The following CLUL1 variants were observed in gnomAD, a reference collection of about 807,000 sequenced individuals.
CLUL1 encodes clusterin like 1.
CLUL1 carries 43 observed loss-of-function variants against 49.4 expected under a neutral mutation model. That is an observed-to-expected ratio of 0.87 (90% CI 0.68 to 1.12). The LOEUF is 1.12. CLUL1 is among the 50% of genes most tolerant of loss of function. The pLI is 0.00. For missense variants in CLUL1, 486 were observed against 544.4 expected (o/e 0.89, Z 1.07); for synonymous variants, 192 against 184.9 (o/e 1.04, Z -0.31).
chr18:597,935 A>G (rs1175529138), intron 1 of CLUL1: 2 of 152,186 alleles, frequency 1.3e-5, no homozygotes, highest in Non-Finnish European at 2.9e-5. Context: ...TGCTACCTTA[A>G]ACCGATTACT....
rs555108964 is a variant in CLUL1, at chr18:630,328, C to G, written c.856+2799C>G. On this transcript the variant is annotated intron_variant, in intron 6 of 9. Transcript: ENST00000692774. The stretch of plus-strand genomic sequence containing the variant: ...TTCGCCATGTTGTCCAGGCTGGTCT[C>G]GAACTTCTGACCTCAAATGATCCGC... Among the ~76,000 whole-genome samples, 30 of 152,168 alleles carry G rather than the reference C, an allele frequency of 2.0e-4. No individual in the cohort carries two copies. In the South Asian group the frequency reaches 6.2e-3, roughly 32 times the overall value.
intron 7 of CLUL1, among the ~76,000 whole-genome samples, chr18:636,049 A>G (rs531495797): frequency 8.5e-5 from 13 of 152,290 alleles, no homozygotes; most frequent in African/African-American, 2.4e-4. Context: ...AATTGTTACA[A>G]TGTTAAACAA....
chr18:607,388 C>T (rs942265372), intron 2 of CLUL1, among the ~76,000 whole-genome samples: 3 of 152,182 alleles, frequency 2.0e-5, no homozygotes, highest in African/African-American at 7.2e-5. Flanking sequence ...CGTGGCCTCC[C>T]AAAGTGCTGG....
At chr18:645,136 G>A in intron 9 of CLUL1, 39 bp downstream of exon 9, 1 of 1,438,178 alleles carries the variant, frequency 7.0e-7, no homozygotes, top group South Asian at 1.5e-5. Flanking sequence ...TTGTTGACAG[G>A]AATAGTTAAT....
In CLUL1 at chr18:618,267, G is replaced by C. The variant is rs1441782657; in HGVS notation, c.106+161G>C. Among the ~76,000 whole-genome samples, 1 of 152,138 alleles carries C rather than the reference G, an allele frequency of 6.6e-6. No homozygotes were observed. The highest frequency in any genetic ancestry group is 1.9e-4 in the East Asian group (1 of 5,190). ...GGTCATCCTGACGCCAAACATCTGG[G>C]TAAAAATAGAAAATTCCAATCACGT... On this transcript the variant is annotated intron_variant, in intron 3 of 9. Transcript: ENST00000692774. This position sits in a 1 kb window ranked among gnomAD's most constrained non-coding sequence, Gnocchi z 4.2.
chr18:645,079 A>C lies in CLUL1; in HGVS notation c.1379A>C (p.Lys460Thr). The C allele has an allele frequency of 6.2e-7, 1 of 1,605,262 alleles. No individual in the cohort carries two copies. The highest frequency in any genetic ancestry group is 8.5e-7 in the Non-Finnish European group (1 of 1,176,464). The change falls in exon 9 of 10, where the codon AAG (lysine) becomes ACG (threonine). Residue 460 changes from lysine (K) to threonine (T), a missense_variant. Lys to Thr is a moderately conservative substitution (Grantham distance 78). Coordinates refer to ENST00000692774, the MANE Select transcript of CLUL1 (RefSeq NM_001393344.1). ...GTGGCAAAAGCTCTACAGCATTTTA[A>C]GGAACATTTTAAAACCTGGTAAGCA... ...YVVAKALQHF[K>T]EHFKTW
At chr18:607,474 C>T (rs896683409) in intron 2 of CLUL1, among the ~76,000 whole-genome samples, 2 of 152,102 alleles carry the variant, frequency 1.3e-5, no homozygotes, top group African/African-American at 4.8e-5. Context: ...AGCTCTGTTG[C>T]CTGGGCTGGA....
intron 8 of CLUL1, among the ~76,000 whole-genome samples, chr18:643,107 T>TA (rs1194551688): frequency 1.3e-5 from 2 of 152,000 alleles, no homozygotes; most frequent in Non-Finnish European, 2.9e-5. Context: ...GCAAGCTCAT[T>TA]AAAAAACAAA....
chr18:648,196 T>C (rs1315087815), intron 9 of CLUL1, among the ~76,000 whole-genome samples: 1 of 152,190 alleles, frequency 6.6e-6, no homozygotes, highest in Non-Finnish European at 1.5e-5. Context: ...GGTGCCCCAG[T>C]GGGTACTGAC....
chr18:598,187 G>A, intron 1 of CLUL1: 1 of 183,578 alleles, frequency 5.4e-6, no homozygotes, highest in Non-Finnish European at 1.1e-5. Flanking sequence ...ATCGGGAAGA[G>A]ATGAGATACT....
At chr18:610,242 A>G (rs751596379) in intron 2 of CLUL1, among the ~76,000 whole-genome samples, 2 of 152,162 alleles carry the variant, frequency 1.3e-5, no homozygotes, top group Non-Finnish European at 2.9e-5. Context: ...ACCGATTTCT[A>G]TTTGCTTTAG....
At chr18:625,944 T>A (rs935054640) in intron 5 of CLUL1, among the ~76,000 whole-genome samples, 4 of 152,144 alleles carry the variant, frequency 2.6e-5, no homozygotes, top group Non-Finnish European at 5.9e-5. Flanking sequence ...CAGAATATGG[T>A]GTAATCAGCA....
At chr18:630,201 G>A (rs568554361) in intron 6 of CLUL1, among the ~76,000 whole-genome samples, 26 of 152,080 alleles carry the variant, frequency 1.7e-4, no homozygotes, top group East Asian at 5.8e-4. Context: ...CTCCACCTCC[G>A]GGGTTTAAGT....
At position 627,461 on chromosome 18, in the gene CLUL1, A is replaced by G; in HGVS notation, c.788A>G (p.Tyr263Cys). 4 of 1,613,788 alleles carry G rather than the reference A, an allele frequency of 2.5e-6. No individual in the cohort carries two copies. The highest frequency in any genetic ancestry group is 3.4e-6 in the Non-Finnish European group (4 of 1,179,706). The change falls in exon 6 of 10, where the codon TAT becomes TGT. Residue 263 changes from tyrosine (Y) to cysteine (C), a missense_variant. Coordinates refer to ENST00000692774, the MANE Select transcript of CLUL1 (RefSeq NM_001393344.1). The part of the protein sequence containing the change: ...QLFCNFSVSI[Y>C]ESVSETITKM... The stretch of plus-strand genomic sequence containing the variant: ...TTTTGTAATTTCAGTGTCTCTATTT[A>G]TGAAAGTGTCAGTGAAACAATTACT...
rs1339703474 is a variant in CLUL1 at position 626,863 on chromosome 18, A to G, written c.424-234A>G. 2.1e-3 allele frequency among the ~76,000 whole-genome samples: 196 copies of G among 94,104 alleles called. 9 individuals carry two copies. The highest frequency in any genetic ancestry group is 3.3e-3 in the Non-Finnish European group (145 of 44,378). The allele number at this position is 94,104 out of a possible 152,430, so 61.7% of individuals were successfully genotyped here. On this transcript the variant is annotated intron_variant, in intron 5 of 9. Coordinates refer to ENST00000692774, the MANE Select transcript of CLUL1 (RefSeq NM_001393344.1). ...GTGACAGAGCAAGACTCCATCTCAA[A>G]TAAGAAAGAAAGAAAGAAAGAAAGA...
At chr18:607,190 C>T (rs570333281) in intron 2 of CLUL1, 91 bp downstream of exon 2, 24 of 680,340 alleles carry the variant, frequency 3.5e-5, no homozygotes, top group East Asian at 1.6e-4. Context: ...TGCAGTGACA[C>T]GATCTCAGCT....
intron 4 of CLUL1, among the ~76,000 whole-genome samples, chr18:620,545 A>G (rs559057793): frequency 6.6e-6 from 1 of 152,198 alleles, no homozygotes; most frequent in Non-Finnish European, 1.5e-5. Flanking sequence ...AATGTAGAGG[A>G]TCCCCTTTTC....
intron 4 of CLUL1, 141 bp downstream of exon 4, chr18:619,502 G>A: frequency 1.2e-6 from 1 of 828,924 alleles, no homozygotes; most frequent in Non-Finnish European, 1.8e-6. Flanking sequence ...AAAAGTTTAA[G>A]GGAAGCTTCA....
chr18:634,930 A>C (rs1207976178), intron 7 of CLUL1, among the ~76,000 whole-genome samples: 1 of 152,126 alleles, frequency 6.6e-6, no homozygotes, highest in East Asian at 1.9e-4. Context: ...TTTGATTCCT[A>C]TGCTTCTGCA....
Sources: allele counts gnomAD v4.1 joint callset (sites outside exome capture counted in the v4.1 genomes callset), GRCh38; gene constraint gnomAD v4.1.1; non-coding constraint Gnocchi (gnomAD v3.1); transcripts MANE v1.5; gene names NCBI Gene and HGNC (gene_info 2026-07-23, HGNC 2026-07-21).